The following AKT2 variants were observed in gnomAD, a reference collection of about 807,000 sequenced individuals.
The protein encoded by AKT2 is AKT serine/threonine kinase 2, also known as RAC-beta serine/threonine-protein kinase.
A neutral mutation model predicts 58.6 loss-of-function variants in AKT2; 16 were observed. The observed-to-expected ratio is 0.27, with a 90% confidence interval of 0.18 to 0.41. AKT2 has a LOEUF of 0.41. Among genes scored for constraint, AKT2 ranks in the 10% least tolerant of loss-of-function variants. The pLI is 1.00. For synonymous variants in AKT2, 253 were observed against 254.0 expected (o/e 1.00, Z 0.04); for missense variants, 438 against 661.0 (o/e 0.66, Z 3.70).
chr19:40,235,344 AC>A lies in AKT2; in HGVS notation c.1181del (p.Gly394ValfsTer181), dbSNP rs1568517186. On this transcript the variant is annotated frameshift_variant, in exon 12 of 14. Transcript: ENST00000392038. LOFTEE classifies it high-confidence loss of function. This position sits in a 1 kb window ranked among gnomAD's most constrained non-coding sequence, Gnocchi z 6.3. ...CCTCCTTGGCATCGCTGGGCCCCCC[AC>A]CAAGCCTGTGCAGAGACGGCCGTCA... ...LLKKDPKQRL[G>X]GGPSDAKEVM... The A allele has an allele frequency of 6.2e-7, 1 of 1,613,612 alleles. No homozygotes were observed. Among genetic ancestry groups the A allele is most frequent in the Non-Finnish European group, 8.5e-7 (1 of 1,179,988 alleles).
chr19:40,270,755 G>A (rs1226866812), intron 1 of AKT2: 6 of 152,318 alleles, frequency 3.9e-5, no homozygotes, highest in Non-Finnish European at 1.5e-5. Flanking sequence ...GCTCACGCGT[G>A]TAATCCCAGC....
chr19:40,240,132 G>A, intron 6 of AKT2, 22 bp from the exon 7 acceptor site: 1 of 1,613,280 alleles, frequency 6.2e-7, no homozygotes, highest in Non-Finnish European at 8.5e-7. Context: ...CTGCGGGTGA[G>A]GGGCTGGTGG....
intron 1 of AKT2, among the ~76,000 whole-genome samples, chr19:40,277,842 C>A (rs2077354412): frequency 6.6e-6 from 1 of 152,204 alleles, no homozygotes; most frequent in Admixed American, 6.5e-5. Context: ...CTACACGTGG[C>A]ACATAGAAGT....
At chr19:40,236,472 G>T (rs1599954159) in intron 9 of AKT2, 87 bp from the exon 10 acceptor site, 5 of 1,569,940 alleles carry the variant, frequency 3.2e-6, no homozygotes, top group Non-Finnish European at 4.4e-6. Flanking sequence ...GATGCCCGGG[G>T]CTCCTGGACA....
chr19:40,257,586 AACAC>A lies in AKT2; in HGVS notation c.47-536_47-533del, dbSNP rs59835118. Among the ~76,000 whole-genome samples, 617 of 146,156 alleles carry A rather than the reference AACAC, an allele frequency of 4.2e-3. 2 individuals carry two copies. The highest frequency in any genetic ancestry group is 5.9e-3 in the Non-Finnish European group (392 of 66,606). ...AATATCCAAGCACCCTATGCACACAAACACACACACACACACACACACACACACA... is the reference window on the plus strand; with the variant it reads ...AATATCCAAGCACCCTATGCACACAAACACACACACACACACACACACACA... On this transcript the variant is annotated intron_variant, in intron 2 of 13. Coordinates refer to ENST00000392038, the MANE Select transcript of AKT2 (RefSeq NM_001626.6).
intron 3 of AKT2, among the ~76,000 whole-genome samples, chr19:40,255,852 G>T (rs565005040): frequency 4.6e-5 from 7 of 152,322 alleles, no homozygotes; most frequent in Middle Eastern, 6.8e-3. Flanking sequence ...GACACAAACA[G>T]ACTGAGAATG....
intron 1 of AKT2, chr19:40,279,257 G>A (rs73933240): frequency 0.11 from 17,216 of 152,440 alleles, 1,403 homozygotes; most frequent in African/African-American, 0.23. Flanking sequence ...GCCCTGCTGT[G>A]GGTGCCGAGT....
chr19:40,244,216 G>C (rs1278268098), intron 4 of AKT2: 1 of 151,910 alleles, frequency 6.6e-6, no homozygotes, highest in African/African-American at 2.4e-5. Context: ...ACTGAGACGG[G>C]ACGATGGCTT....
intron 2 of AKT2, among the ~76,000 whole-genome samples, chr19:40,259,771 A>G (rs1273854958): frequency 6.6e-6 from 1 of 152,252 alleles, no homozygotes; most frequent in Non-Finnish European, 1.5e-5. Flanking sequence ...AAGGACTCAA[A>G]GAGATATTCC....
chr19:40,280,320 G>C (rs1568577211), intron 1 of AKT2, among the ~76,000 whole-genome samples: 1 of 152,190 alleles, frequency 6.6e-6, no homozygotes, highest in Non-Finnish European at 1.5e-5. Context: ...TTCCCTAAAA[G>C]TAACAGCCAC....
intron 1 of AKT2, chr19:40,279,652 CA>C (rs5828063): frequency 1.3e-3 from 144 of 113,932 alleles, no homozygotes; most frequent in African/African-American, 1.8e-3. Flanking sequence ...GAACACACCT[CA>C]AAAAAAAAAA....
At position 40,235,909 on chromosome 19, in the gene AKT2, T is replaced by C; in HGVS notation, c.1156A>G (p.Lys386Glu). Residue 386 changes from lysine to glutamate, a missense_variant, in exon 11 of 14, where the codon AAG becomes GAG. This residue lies in a region of AKT2 where 148 missense variants were observed against 199.5 expected (regional missense o/e 0.74). Coordinates refer to ENST00000392038, the MANE Select transcript of AKT2 (RefSeq NM_001626.6). The surrounding 1 kb of genome is among the most constrained non-coding windows in gnomAD (Gnocchi z 6.3). Reference protein sequence around the residue: ...EAKSLLAGLLKKDPKQRLGGG... With the variant: ...EAKSLLAGLLEKDPKQRLGGG... ...CCTCACCTCTGCTTGGGGTCCTTCTTAAGCAGCCCAGCAAGCAGGGACTTG... is the reference window on the plus strand; with the variant it reads ...CCTCACCTCTGCTTGGGGTCCTTCTCAAGCAGCCCAGCAAGCAGGGACTTG... 2 of 1,612,262 alleles carry C rather than the reference T, an allele frequency of 1.2e-6. No individual in the cohort carries two copies. Among genetic ancestry groups the C allele is most frequent in the South Asian group, 1.1e-5 (1 of 91,048 alleles).
Position 40,255,263 on chromosome 19 carries a change from T to C in AKT2, c.182A>G (p.Gln61Arg), listed in dbSNP as rs1380555769. Reference protein sequence around the residue: ...PLNNFSVAECQLMKTERPRPN... With the variant: ...PLNNFSVAECRLMKTERPRPN... ...TCGCGGCCTCTCGGTCTTCATCAGCTGGCATTCTGCAGGCAGAGGGAACAG... is the reference window on the plus strand; with the variant it reads ...TCGCGGCCTCTCGGTCTTCATCAGCCGGCATTCTGCAGGCAGAGGGAACAG... Residue 61 changes from glutamine (Q) to arginine (R), a missense_variant, in exon 4 of 14, where the codon CAG becomes CGG. This residue lies in a region of AKT2 where 244 missense variants were observed against 347.1 expected (regional missense o/e 0.70). Transcript: ENST00000392038. The C allele has an allele frequency of 6.2e-7, 1 of 1,613,756 alleles. No homozygotes were observed. Among genetic ancestry groups the C allele is most frequent in the Admixed American group, 1.7e-5 (1 of 60,030 alleles).
Position 40,238,147 on chromosome 19 carries a change from T to TCACCTTCCCAGCCCCCTGCCCC in AKT2, c.709-78_709-57dup. 6.5e-7 allele frequency: 1 copy of TCACCTTCCCAGCCCCCTGCCCC among 1,548,838 alleles called. No homozygotes were observed. Among genetic ancestry groups the TCACCTTCCCAGCCCCCTGCCCC allele is most frequent in the African/African-American group, 1.4e-5 (1 of 73,520 alleles). ...CAGGCCCCAGCCCACCCACCTGCCC[T>TCACCTTCCCAGCCCCCTGCCCC]CACCTTCCCAGCCCCCTGCCCCAGC... On this transcript the variant is annotated intron_variant, in intron 8 of 13. Transcript: ENST00000392038. The surrounding 1 kb of genome is among the most constrained non-coding windows in gnomAD (Gnocchi z 5.1).
At chr19:40,269,894 C>T (rs1408057323) in intron 1 of AKT2, among the ~76,000 whole-genome samples, 1 of 152,200 alleles carries the variant, frequency 6.6e-6, no homozygotes, top group Non-Finnish European at 1.5e-5. Flanking sequence ...ACCCCTTCTC[C>T]GCTCGAACCC....
Position 40,235,215 on chromosome 19 carries a change from G to C in AKT2, c.1263+48C>G, listed in dbSNP as rs1301578019. 6.2e-7 allele frequency: 1 copy of C among 1,613,594 alleles called. No homozygotes were observed. The highest frequency in any genetic ancestry group is 2.2e-5 in the East Asian group (1 of 44,876). Reference sequence around the variant, plus strand: ...GAGGCCTCAACCAAGGTCACCACGAGTGGGCCAGGTCCCTGAGGGTCCTGC... The same window carrying C: ...GAGGCCTCAACCAAGGTCACCACGACTGGGCCAGGTCCCTGAGGGTCCTGC... On this transcript the variant is annotated intron_variant, in intron 12 of 13. Transcript: ENST00000392038. This position sits in a 1 kb window ranked among gnomAD's most constrained non-coding sequence, Gnocchi z 6.3.
Position 40,230,726 on chromosome 19 carries a change from T to TA in AKT2, c.*3145_*3146insT, listed in dbSNP as rs1973661813. ...AATAGCATGTATCATGTTTTTTTTT[T>TA]TTTTATTTTTAGAGACACAGTCTCA... On this transcript the variant is annotated 3_prime_UTR_variant, in exon 14 of 14. Coordinates refer to ENST00000392038, the MANE Select transcript of AKT2 (RefSeq NM_001626.6). 4.8e-6 allele frequency: 1 copy of TA among 206,898 alleles called. No individual in the cohort carries two copies. Among genetic ancestry groups the TA allele is most frequent in the Admixed American group, 5.9e-5 (1 of 16,890 alleles). The allele number at this position is 206,898 out of a possible 1,614,324, so 12.8% of individuals were successfully genotyped here.
At chr19:40,272,291 C>G (rs1223925389) in intron 1 of AKT2, among the ~76,000 whole-genome samples, 2 of 152,196 alleles carry the variant, frequency 1.3e-5, no homozygotes, top group Non-Finnish European at 2.9e-5. Flanking sequence ...TCTAGACTCC[C>G]AAGCCTCCGT....
In AKT2 at chr19:40,230,456, C is replaced by T. The variant is rs73555555; in HGVS notation, c.*3416G>A. 4,213 of 226,794 alleles carry T rather than the reference C, an allele frequency of 0.019. 153 individuals are homozygous for T. The highest frequency in any genetic ancestry group is 0.08 in the African/African-American group (3,583 of 44,968). The allele number at this position is 226,794 out of a possible 1,614,324, so 14.0% of individuals were successfully genotyped here. On this transcript the variant is annotated 3_prime_UTR_variant, in exon 14 of 14. Transcript: ENST00000392038. ...GGAAGCAGCTGGAAAGCCTGAGTTC[C>T]CCCCATGCAGCAGCTAAAAGGGAAT...
Sources: gnomAD v4.1 joint callset for allele counts (sites outside exome capture counted in the v4.1 genomes callset) on GRCh38, gnomAD v4.1.1 for gene constraint, gnomAD v4.1.1 regional missense constraint, Gnocchi (gnomAD v3.1) non-coding constraint, MANE v1.5 for transcripts, NCBI Gene and HGNC (gene_info 2026-07-23, HGNC 2026-07-21) for gene names.